Variants in DPP10 observed in about 807,000 individuals in gnomAD.
DPP10 encodes dipeptidyl peptidase like 10.
In DPP10, 33 loss-of-function variants were observed where a neutral mutation model predicts 120.9. The observed-to-expected ratio is 0.27, with a 90% confidence interval of 0.21 to 0.37. The LOEUF (loss-of-function observed/expected upper bound fraction) is 0.37, where lower values mean the gene tolerates loss of function less well. DPP10 is among the 10% of genes least tolerant of loss of function. The pLI is 1.00. For synonymous variants in DPP10, 337 were observed against 326.1 expected (o/e 1.03, Z -0.36); for missense variants, 816 against 942.8 (o/e 0.87, Z 1.76).
intron 1 of DPP10, among the ~76,000 whole-genome samples, chr2:114,507,419 A>G (rs1439757124): frequency 6.6e-6 from 1 of 152,192 alleles, no homozygotes; most frequent in Non-Finnish European, 1.5e-5. Context: ...CACACAAACA[A>G]GAAGATTACA....
chr2:114,978,656 A>G (rs1437328543), intron 1 of DPP10, among the ~76,000 whole-genome samples: 5 of 152,148 alleles, frequency 3.3e-5, no homozygotes, highest in African/African-American at 4.8e-5. Context: ...TAGAATCACA[A>G]ACTTCCAAGT....
chr2:115,428,142 T>C (rs1265673036), intron 3 of DPP10, among the ~76,000 whole-genome samples: 3 of 152,210 alleles, frequency 2.0e-5, no homozygotes, highest in African/African-American at 4.8e-5. Context: ...TGGACTTCAC[T>C]GTCCATATCA....
intron 3 of DPP10, among the ~76,000 whole-genome samples, chr2:115,484,419 G>A (rs2075641784): frequency 6.6e-6 from 1 of 151,968 alleles, no homozygotes; most frequent in Non-Finnish European, 1.5e-5. Flanking sequence ...TCAATGCTTG[G>A]CAGTAATGGG....
chr2:114,906,243 G>T (rs1173384375), intron 1 of DPP10, among the ~76,000 whole-genome samples: 6 of 152,102 alleles, frequency 3.9e-5, no homozygotes, highest in African/African-American at 1.4e-4. Flanking sequence ...AATTATTCCA[G>T]TGTGGTGGTG....
chr2:115,402,610 A>G (rs1436374793), intron 3 of DPP10, among the ~76,000 whole-genome samples: 3 of 151,294 alleles, frequency 2.0e-5, no homozygotes, highest in Non-Finnish European at 4.4e-5. Context: ...AACTCAATAG[A>G]GCAATAATGA....
intron 1 of DPP10, among the ~76,000 whole-genome samples, chr2:114,749,719 G>C (rs923984386): frequency 7.9e-5 from 12 of 151,774 alleles, no homozygotes; most frequent in Admixed American, 1.3e-4. Flanking sequence ...GGGATTACAG[G>C]CATGAGCCAC....
chr2:115,619,828 T>A (rs2084812282), intron 5 of DPP10, among the ~76,000 whole-genome samples: 1 of 152,208 alleles, frequency 6.6e-6, no homozygotes, highest in East Asian at 1.9e-4. Flanking sequence ...TTCTGAACAG[T>A]GGAGACAGCT....
In DPP10 at chr2:115,745,471, C is replaced by A. The variant is rs10189782; in HGVS notation, c.853-615C>A. 1.8e-3 allele frequency among the ~76,000 whole-genome samples: 265 copies of A among 150,640 alleles called. 4 individuals carry two copies. The highest frequency in any genetic ancestry group is 6.1e-3 in the African/African-American group (254 of 41,470). ...CTTTCTGTTCTTCATGCCAGGTACT[C>A]AGTGAGGACAGTCTGCCCATGGCCC... On this transcript the variant is annotated intron_variant, in intron 9 of 25. Coordinates refer to ENST00000410059, the MANE Select transcript of DPP10 (RefSeq NM_020868.6).
intron 5 of DPP10, among the ~76,000 whole-genome samples, chr2:115,637,085 A>T (rs1244147507): frequency 6.6e-6 from 1 of 152,220 alleles, no homozygotes; most frequent in Non-Finnish European, 1.5e-5. Context: ...GATAAGCCAA[A>T]AACAAATACT....
intron 1 of DPP10, among the ~76,000 whole-genome samples, chr2:114,651,221 T>C (rs546747574): frequency 1.3e-5 from 2 of 152,290 alleles, no homozygotes; most frequent in East Asian, 1.9e-4. Context: ...CTTAGTCACA[T>C]TTTGACTAGA....
chr2:115,194,538 T>G (rs999078773), intron 1 of DPP10, among the ~76,000 whole-genome samples: 7 of 152,172 alleles, frequency 4.6e-5, no homozygotes, highest in Non-Finnish European at 1.0e-4. Context: ...GAATGGCTGC[T>G]TGAGGGGAAA....
At chr2:115,406,728 C>T (rs1489178035) in intron 3 of DPP10, among the ~76,000 whole-genome samples, 9 of 151,638 alleles carry the variant, frequency 5.9e-5, no homozygotes, top group Non-Finnish European at 1.3e-4. Context: ...AAGGTCAACA[C>T]GGAAGGAAAA....
intron 5 of DPP10, among the ~76,000 whole-genome samples, chr2:115,573,841 C>T (rs796861260): frequency 9.2e-5 from 14 of 151,494 alleles, no homozygotes; most frequent in African/African-American, 2.7e-4. Context: ...AGGTGTGAGT[C>T]ATCACGCCTG....
chr2:115,337,794 C>A (rs964321729), intron 2 of DPP10, among the ~76,000 whole-genome samples: 1 of 150,642 alleles, frequency 6.6e-6, no homozygotes, highest in Non-Finnish European at 1.5e-5. Flanking sequence ...ATTCAAGAGA[C>A]CTCAGGGTAG....
intron 1 of DPP10, among the ~76,000 whole-genome samples, chr2:115,235,781 G>A (rs1174439464): frequency 1.3e-5 from 2 of 152,166 alleles, no homozygotes; most frequent in Middle Eastern, 3.4e-3. Flanking sequence ...GGCTGATCTC[G>A]AACTCCTGGC....
At chr2:115,599,486 A>G (rs1457219948) in intron 5 of DPP10, among the ~76,000 whole-genome samples, 1 of 151,900 alleles carries the variant, frequency 6.6e-6, no homozygotes, top group Non-Finnish European at 1.5e-5. Context: ...TTTATTTCAG[A>G]TGTTTATTTA....
intron 3 of DPP10, among the ~76,000 whole-genome samples, chr2:115,418,076 G>A (rs980494905): frequency 2.6e-5 from 4 of 152,148 alleles, no homozygotes; most frequent in African/African-American, 9.7e-5. Flanking sequence ...CTGAAAGTCA[G>A]TAGTGTGAAG....
intron 1 of DPP10, among the ~76,000 whole-genome samples, chr2:115,106,508 G>A (rs1205481807): frequency 1.3e-5 from 2 of 152,300 alleles, no homozygotes; most frequent in East Asian, 3.9e-4. Flanking sequence ...CATCCAAACT[G>A]AAGTGCAGTG....
At chr2:115,660,356 AT>A (rs1226529745) in intron 5 of DPP10, among the ~76,000 whole-genome samples, 2 of 152,138 alleles carry the variant, frequency 1.3e-5, no homozygotes, top group Non-Finnish European at 2.9e-5. Context: ...TCCTACAGTC[AT>A]TGTCAAATGC....
Sources: allele counts gnomAD v4.1 joint callset (sites outside exome capture counted in the v4.1 genomes callset), GRCh38; gene constraint gnomAD v4.1.1; transcripts MANE v1.5; gene names NCBI Gene and HGNC (gene_info 2026-07-23, HGNC 2026-07-21).